Variants in ATRX observed in about 807,000 individuals in gnomAD.
ATRX encodes ATRX chromatin remodeler, also known as chromatin remodeler ATRX.
A neutral mutation model predicts 172.6 loss-of-function variants in ATRX; 12 were observed. That is an observed-to-expected ratio of 0.07 (90% CI 0.04 to 0.11). The LOEUF is 0.11. ATRX is among the 10% of genes least tolerant of loss of function. The pLI, the probability that ATRX is intolerant of heterozygous loss-of-function variation, is 1.00. For synonymous variants in ATRX, 674 were observed against 594.7 expected, an observed-to-expected ratio of 1.13 and a Z score of -1.94; for missense variants, 1,368 against 1,767.4, an observed-to-expected ratio of 0.77 and a Z score of 4.05.
intron 2 of ATRX, among the ~76,000 whole-genome samples, chrX:77,705,738 T>C (rs948198791): frequency 8.9e-5 from 10 of 111,866 alleles, no homozygotes; most frequent in Non-Finnish European, 1.3e-4. Context: ...TTAAAATTCA[T>C]AGGGAATTGA....
chrX:77,766,479 G>A (rs1401237175), intron 1 of ATRX, among the ~76,000 whole-genome samples: 5 of 106,917 alleles, frequency 4.7e-5, no homozygotes, highest in African/African-American at 6.9e-5. Context: ...CGGTTGCCAC[G>A]CAGAGGGTCT....
At chrX:77,637,241 T>C (rs1160259939) in intron 15 of ATRX, among the ~76,000 whole-genome samples, 1 of 112,128 alleles carries the variant, frequency 8.9e-6, no homozygotes, top group Non-Finnish European at 1.9e-5. Flanking sequence ...GAACATATAA[T>C]ACCTTCTAAT....
chrX:77,702,447 T>A (rs782171631), intron 2 of ATRX, among the ~76,000 whole-genome samples: 3 of 110,575 alleles, frequency 2.7e-5, no homozygotes, highest in Admixed American at 9.6e-5. Flanking sequence ...TCTCAAAAAA[T>A]AATAATAATA....
At chrX:77,629,648 G>A (rs1256398441) in intron 19 of ATRX, among the ~76,000 whole-genome samples, 2 of 111,278 alleles carry the variant, frequency 1.8e-5, no homozygotes, top group African/African-American at 6.5e-5. Context: ...GGGTAATCTA[G>A]GTATTTATTT....
At chrX:77,698,863 A>G in intron 2 of ATRX, 1 of 428,581 alleles carries the variant, frequency 2.3e-6, no homozygotes, top group Non-Finnish European at 4.2e-6. Flanking sequence ...ACTTTGGTAT[A>G]AAAACATTTC....
At chrX:77,785,393 G>C (rs2076697793) in intron 1 of ATRX, among the ~76,000 whole-genome samples, 1 of 109,423 alleles carries the variant, frequency 9.1e-6, no homozygotes, top group African/African-American at 3.3e-5. Flanking sequence ...TCAGGATATG[G>C]AGTAGAAAAG....
intron 30 of ATRX, among the ~76,000 whole-genome samples, chrX:77,546,616 A>G (rs1557053517): frequency 9.0e-6 from 1 of 110,658 alleles, no homozygotes; most frequent in Non-Finnish European, 1.9e-5. Context: ...CTCAGTCTCC[A>G]AAACAGCTGA....
At chrX:77,585,123 T>C in intron 27 of ATRX, among the ~76,000 whole-genome samples, 1 of 111,200 alleles carries the variant, frequency 9.0e-6, no homozygotes, top group Non-Finnish European at 1.9e-5. Context: ...CCCAGTTAAC[T>C]TGGCTTTTAT....
intron 1 of ATRX, among the ~76,000 whole-genome samples, chrX:77,743,235 A>C (rs2148854191): frequency 9.0e-6 from 1 of 111,353 alleles, no homozygotes; most frequent in African/African-American, 3.3e-5. Flanking sequence ...CAGGGACAAG[A>C]GGAAGGAACT....
intron 1 of ATRX, among the ~76,000 whole-genome samples, chrX:77,746,542 T>C (rs782113703): frequency 1.8e-5 from 2 of 111,970 alleles, no homozygotes; most frequent in South Asian, 3.7e-4. Context: ...ATGATGGTTC[T>C]ATTCCTGGAG....
intron 10 of ATRX, among the ~76,000 whole-genome samples, chrX:77,672,087 C>A (rs1557131131): frequency 9.0e-6 from 1 of 110,683 alleles, no homozygotes; most frequent in African/African-American, 3.3e-5. Flanking sequence ...AAAAAAATTA[C>A]CGTAAAATTG....
intron 30 of ATRX, among the ~76,000 whole-genome samples, chrX:77,536,411 A>G (rs782188472): frequency 5.4e-5 from 6 of 111,566 alleles, no homozygotes; most frequent in Admixed American, 1.9e-4. Context: ...GGAAGAGACA[A>G]AAGTGAGGTA....
intron 2 of ATRX, among the ~76,000 whole-genome samples, chrX:77,715,258 G>T (rs1426901106): frequency 8.9e-6 from 1 of 111,763 alleles, no homozygotes; most frequent in Non-Finnish European, 1.9e-5. Context: ...TATTTTTACT[G>T]TACCTTTTCT....
intron 10 of ATRX, among the ~76,000 whole-genome samples, chrX:77,670,471 G>A (rs889548375): frequency 8.9e-6 from 1 of 112,150 alleles, no homozygotes; most frequent in Non-Finnish European, 1.9e-5. Context: ...AACAAAACAT[G>A]TGGCCGGGCA....
chrX:77,783,016 T>G (rs1243302207), intron 1 of ATRX, among the ~76,000 whole-genome samples: 1 of 110,854 alleles, frequency 9.0e-6, no homozygotes, highest in East Asian at 2.9e-4. Flanking sequence ...GGTAGATCAC[T>G]TGAGTCCAGG....
rs782170344 is a variant in ATRX, at chrX:77,782,366, T to C, written c.20+3616A>G. On this transcript the variant is annotated intron_variant, in intron 1 of 34. Transcript: ENST00000373344. The stretch of plus-strand genomic sequence containing the variant: ...ATATTTAAGATCAATAACAAGGTAA[T>C]ATAGCTGTCAGCTTTTCAAGTAATC... 6.2e-5 allele frequency among the ~76,000 whole-genome samples: 7 copies of C among 112,680 alleles called. No individual in the cohort carries two copies. In the East Asian group the frequency reaches 1.6e-3, roughly 27 times the overall value.
At chrX:77,696,474 G>T in intron 5 of ATRX, 103 bp downstream of exon 5, 2 of 868,524 alleles carry the variant, frequency 2.3e-6, no homozygotes, top group Non-Finnish European at 3.3e-6. Flanking sequence ...TGCCATGTTT[G>T]GTCGTTTGTA....
intron 1 of ATRX, among the ~76,000 whole-genome samples, chrX:77,741,762 G>A (rs782664804): frequency 2.7e-5 from 3 of 111,633 alleles, no homozygotes; most frequent in East Asian, 2.8e-4. Flanking sequence ...ACATCCAGCC[G>A]ATAGTGACCT....
At chrX:77,640,181 G>A (rs2068582943) in intron 15 of ATRX, among the ~76,000 whole-genome samples, 1 of 111,539 alleles carries the variant, frequency 9.0e-6, no homozygotes, top group Admixed American at 9.5e-5. Context: ...ACTGGAGGGG[G>A]AGGGAAGGAA....
Sources: allele counts gnomAD v4.1 joint callset (sites outside exome capture counted in the v4.1 genomes callset), GRCh38; gene constraint gnomAD v4.1.1; transcripts MANE v1.5; gene names NCBI Gene and HGNC (gene_info 2026-07-23, HGNC 2026-07-21).